DNAJC10: variants seen among roughly 807,000 people sequenced by gnomAD.
DNAJC10 encodes endoplasmic reticulum disulfide reductase DNAJC10.
Under a neutral mutation model 115.0 loss-of-function variants are expected in DNAJC10, and 101 were observed. The ratio of observed to expected loss-of-function variants is 0.88; its 90% CI spans 0.75 to 1.04. The LOEUF (loss-of-function observed/expected upper bound fraction) is 1.04, where lower values mean the gene tolerates loss of function less well. Among genes scored for constraint, DNAJC10 ranks in the 50% least tolerant of loss-of-function variants. The probability of loss-of-function intolerance (pLI) is 0.00; values close to 1 mark genes in which losing one functional copy is unlikely to be tolerated. For synonymous variants in DNAJC10, 307 were observed against 301.5 expected (o/e 1.02, Z -0.19); for missense variants, 981 against 928.8 (o/e 1.06, Z -0.73).
intron 17 of DNAJC10, among the ~76,000 whole-genome samples, chr2:182,755,392 T>G (rs1694131810): frequency 6.6e-6 from 1 of 151,854 alleles, no homozygotes; most frequent in African/African-American, 2.4e-5. Context: ...TGTCACCCCT[T>G]TGCACTGTTT....
intron 22 of DNAJC10, among the ~76,000 whole-genome samples, chr2:182,770,952 A>C (rs1694545095): frequency 6.6e-6 from 1 of 152,136 alleles, no homozygotes; most frequent in Non-Finnish European, 1.5e-5. Context: ...GTTTGTCATG[A>C]ATAGCTCTTA....
intron 19 of DNAJC10, among the ~76,000 whole-genome samples, chr2:182,758,223 T>G (rs1004845114): frequency 6.6e-6 from 1 of 152,108 alleles, no homozygotes; most frequent in Non-Finnish European, 1.5e-5. Context: ...GAATCCAAGG[T>G]CTAGGAGTTA....
At position 182,788,710 on chromosome 2, in the gene DNAJC10, A is replaced by G. The variant is rs1216977883; in HGVS notation, c.*11578A>G. 1 of 423,318 alleles carries G rather than the reference A, an allele frequency of 2.4e-6. No individual in the cohort carries two copies. The highest frequency in any genetic ancestry group is 2.1e-5 in the African/African-American group (1 of 48,174). 26.2% of individuals were successfully genotyped at this position (423,318 alleles called of 1,614,324 possible). A position where few individuals can be genotyped will look rare whatever the true frequency, so the allele number is the denominator to read the frequency against. The stretch of plus-strand genomic sequence containing the variant: ...CCCACAGCACAAGTAACGTCTATTT[A>G]TCTCAGAGGAAATCCAGGGAAGTTC... On this transcript the variant is annotated 3_prime_UTR_variant, in exon 24 of 24. Coordinates refer to ENST00000264065, the MANE Select transcript of DNAJC10 (RefSeq NM_018981.4).
At chr2:182,761,385 T>G (rs901412986) in intron 21 of DNAJC10, among the ~76,000 whole-genome samples, 1 of 152,166 alleles carries the variant, frequency 6.6e-6, no homozygotes, top group African/African-American at 2.4e-5. Context: ...TTTCTTACTT[T>G]CGGTATGCAA....
chr2:182,757,407 C>T (rs999049044), intron 18 of DNAJC10, among the ~76,000 whole-genome samples: 7 of 152,104 alleles, frequency 4.6e-5, no homozygotes, highest in African/African-American at 1.4e-4. Flanking sequence ...TCATTAGTTT[C>T]TAGCACTTTG....
chr2:182,769,787 A>G (rs766290358), intron 22 of DNAJC10, among the ~76,000 whole-genome samples: 9 of 151,874 alleles, frequency 5.9e-5, no homozygotes, highest in Non-Finnish European at 1.2e-4. Context: ...CACTCTGATG[A>G]TAGTTTCTTT....
In DNAJC10 at chr2:182,755,481, C is replaced by T. The variant is rs573200083; in HGVS notation, c.1653+377C>T. On this transcript the variant is annotated intron_variant, in intron 17 of 23. Coordinates refer to ENST00000264065, the MANE Select transcript of DNAJC10 (RefSeq NM_018981.4). The stretch of plus-strand genomic sequence containing the variant: ...GTAACACTCTTGATAGAAATACTTA[C>T]AGGGGACTCCTAGAAAAAAAAAAAG... 2.0e-5 allele frequency among the ~76,000 whole-genome samples: 3 copies of T among 146,562 alleles called. No homozygotes were observed. The East Asian group carries it at 5.9e-4, about 29-fold the overall frequency.
At position 182,756,261 on chromosome 2, in the gene DNAJC10, A is replaced by G. The variant is rs929628034; in HGVS notation, c.1654-53A>G. ...TGTACCAACAATTTGCCAGGAATATATGAACAGCTATGCTTTATATATATG... is the reference window on the plus strand; with the variant it reads ...TGTACCAACAATTTGCCAGGAATATGTGAACAGCTATGCTTTATATATATG... On this transcript the variant is annotated intron_variant, in intron 17 of 23. Coordinates refer to ENST00000264065, the MANE Select transcript of DNAJC10 (RefSeq NM_018981.4). 22 of 1,411,500 alleles carry G rather than the reference A, an allele frequency of 1.6e-5. No homozygotes were observed. The East Asian group carries it at 4.7e-4, about 30-fold the overall frequency. 87.4% of individuals were successfully genotyped at this position (1,411,500 alleles called of 1,614,324 possible).
At chr2:182,741,005 C>T (rs1200059604) in intron 12 of DNAJC10, among the ~76,000 whole-genome samples, 2 of 152,072 alleles carry the variant, frequency 1.3e-5, no homozygotes, top group Non-Finnish European at 2.9e-5. Context: ...TTGTTTTTGG[C>T]AGTCATCTAC....
chr2:182,754,573 G>A (rs982977273), intron 16 of DNAJC10: 3 of 162,354 alleles, frequency 1.8e-5, no homozygotes, highest in African/African-American at 7.2e-5. Flanking sequence ...AATTATTTGT[G>A]TCTTTATTCT....
rs1399729684 is a variant in DNAJC10, at chr2:182,790,191, TATTA to T, written c.*13060_*13063del. ...TAAGAAAAAGCTTTATTTAGTCCTA[TATTA>T]TTCTCTGATTATTCCATATGTTATC... On this transcript the variant is annotated 3_prime_UTR_variant, in exon 24 of 24. Coordinates refer to ENST00000264065, the MANE Select transcript of DNAJC10 (RefSeq NM_018981.4). 6.6e-6 allele frequency: 1 copy of T among 152,228 alleles called. No homozygotes were observed. Among genetic ancestry groups the T allele is most frequent in the African/African-American group, 2.4e-5 (1 of 41,458 alleles). The allele number at this position is 152,228 out of a possible 1,614,324, so 9.4% of individuals were successfully genotyped here.
At position 182,758,882 on chromosome 2, in the gene DNAJC10, G is replaced by T; in HGVS notation, c.1989G>T (p.Trp663Cys). Residue 663 changes from tryptophan (W) to cysteine (C), a missense_variant, in exon 20 of 24, where the codon TGG (tryptophan) becomes TGT (cysteine). Transcript: ENST00000264065. ...GGGATGCTTATTCCCTGAGAATCTG[G>T]GGTCTAGGGTGAGTAATTAAAATAT... Reference protein sequence around the residue: ...WNRDAYSLRIWGLGFLPQVST... With the variant: ...WNRDAYSLRICGLGFLPQVST... 1 of 1,602,564 alleles carries T rather than the reference G, an allele frequency of 6.2e-7. No homozygotes were observed. The highest frequency in any genetic ancestry group is 8.5e-7 in the Non-Finnish European group (1 of 1,169,968).
intron 11 of DNAJC10, among the ~76,000 whole-genome samples, chr2:182,737,160 A>T (rs1693605654): frequency 6.6e-6 from 1 of 152,164 alleles, no homozygotes; most frequent in Non-Finnish European, 1.5e-5. Flanking sequence ...CAGTTTTGAC[A>T]TCTTGTAATG....
chr2:182,728,831 T>C, intron 6 of DNAJC10, 32 bp from the exon 7 acceptor site: 2 of 1,613,022 alleles, frequency 1.2e-6, no homozygotes, highest in Non-Finnish European at 1.7e-6. Flanking sequence ...AGTGGTCTTA[T>C]CAGAGAAATA....
At chr2:182,729,165 T>G in intron 7 of DNAJC10, 171 bp downstream of exon 7, 1 of 668,200 alleles carries the variant, frequency 1.5e-6, no homozygotes, top group Non-Finnish European at 2.4e-6. Context: ...ATTTTTTTTT[T>G]TGAGATGGAG....
chr2:182,735,490 T>C (rs1025965954), intron 10 of DNAJC10, among the ~76,000 whole-genome samples: 1 of 152,064 alleles, frequency 6.6e-6, no homozygotes, highest in Non-Finnish European at 1.5e-5. Flanking sequence ...TTCATTATGA[T>C]ATACATAGGT....
chr2:182,767,192 C>T lies in DNAJC10; in HGVS notation c.2265+4391C>T, dbSNP rs549732858. ...GATCTGGTGGGTAAAGAGGATACCA[C>T]GCAGAGCGTACCGGTGCCCAGGTGG... On this transcript the variant is annotated intron_variant, in intron 22 of 23. Transcript: ENST00000264065. Among the ~76,000 whole-genome samples, 26 of 152,226 alleles carry T rather than the reference C, an allele frequency of 1.7e-4. No individual in the cohort carries two copies. The East Asian group carries it at 3.1e-3, about 18-fold the overall frequency.
intron 11 of DNAJC10, among the ~76,000 whole-genome samples, chr2:182,737,413 G>A (rs1465409541): frequency 6.6e-6 from 1 of 152,146 alleles, no homozygotes; most frequent in African/African-American, 2.4e-5. Context: ...AAAAGAAGAT[G>A]CAAAATTCCC....
At chr2:182,736,824 G>T (rs1437144104) in intron 11 of DNAJC10, among the ~76,000 whole-genome samples, 1 of 151,866 alleles carries the variant, frequency 6.6e-6, no homozygotes, top group African/African-American at 2.4e-5. Context: ...ATCTCGGCTC[G>T]GTGCAACCTC....
Sources: allele counts gnomAD v4.1 joint callset (sites outside exome capture counted in the v4.1 genomes callset), GRCh38; gene constraint gnomAD v4.1.1; transcripts MANE v1.5; gene names NCBI Gene and HGNC (gene_info 2026-07-23, HGNC 2026-07-21).